The following ARHGAP42 variants were observed in gnomAD, a reference collection of about 807,000 sequenced individuals.
The protein encoded by ARHGAP42 is rho GTPase-activating protein 42.
A neutral mutation model predicts 125.0 loss-of-function variants in ARHGAP42; 63 were observed. The ratio of observed to expected loss-of-function variants is 0.50; its 90% CI spans 0.41 to 0.62. The LOEUF is 0.62. Among genes scored for constraint, ARHGAP42 ranks in the 20% least tolerant of loss-of-function variants. The pLI is 0.00. For synonymous variants in ARHGAP42, 339 were observed against 351.0 expected (o/e 0.97, Z 0.38); for missense variants, 766 against 1,024.2 (o/e 0.75, Z 3.44).
At chr11:100,809,040 C>T (rs1864075180) in intron 3 of ARHGAP42, among the ~76,000 whole-genome samples, 1 of 152,070 alleles carries the variant, frequency 6.6e-6, no homozygotes, top group Non-Finnish European at 1.5e-5. Context: ...TGTGAGAGGG[C>T]CCACATTGCT....
intron 2 of ARHGAP42, among the ~76,000 whole-genome samples, chr11:100,771,738 A>G (rs972405770): frequency 1.3e-5 from 2 of 152,002 alleles, no homozygotes; most frequent in African/African-American, 4.8e-5. Flanking sequence ...AGATGGGACT[A>G]CAGGCACCCG....
At position 100,976,444 on chromosome 11, in the gene ARHGAP42, C is replaced by G; in HGVS notation, c.2236+7C>G. 1 of 1,508,412 alleles carries G rather than the reference C, an allele frequency of 6.6e-7. No individual in the cohort carries two copies. Among genetic ancestry groups the G allele is most frequent in the Non-Finnish European group, 8.8e-7 (1 of 1,130,716 alleles). 93.4% of individuals were successfully genotyped at this position (1,508,412 alleles called of 1,614,324 possible). On this transcript the variant is annotated splice_region_variant and intron_variant, in intron 20 of 23. Transcript: ENST00000298815. ...TCCATCTCTGCAGCTGAAGGTAAGGCAGAGTGGAACTTGTGCAAGATGTCA... is the reference window on the plus strand; with the variant it reads ...TCCATCTCTGCAGCTGAAGGTAAGGGAGAGTGGAACTTGTGCAAGATGTCA...
rs531028933 is a variant in ARHGAP42, at chr11:100,746,499, G to A, written c.155-23844G>A. 4.6e-5 allele frequency among the ~76,000 whole-genome samples: 7 copies of A among 152,366 alleles called. No individual in the cohort carries two copies. The South Asian group carries it at 1.4e-3, about 32-fold the overall frequency. ...GCACACAAGCATAACAATTGCCTTTGTTTAACGTGTGGACGGAATATTAAT... is the reference window on the plus strand; with the variant it reads ...GCACACAAGCATAACAATTGCCTTTATTTAACGTGTGGACGGAATATTAAT... On this transcript the variant is annotated intron_variant, in intron 1 of 23. Coordinates refer to ENST00000298815, the MANE Select transcript of ARHGAP42 (RefSeq NM_152432.4).
At chr11:100,741,264 C>T (rs1399531148) in intron 1 of ARHGAP42, among the ~76,000 whole-genome samples, 1 of 152,174 alleles carries the variant, frequency 6.6e-6, no homozygotes, top group Non-Finnish European at 1.5e-5. Flanking sequence ...CTCCTGACCT[C>T]AAGTGATCCA....
At chr11:100,822,422 T>G (rs899777583) in intron 3 of ARHGAP42, among the ~76,000 whole-genome samples, 11 of 152,212 alleles carry the variant, frequency 7.2e-5, no homozygotes, top group African/African-American at 2.6e-4. Flanking sequence ...CTGGTCTCTT[T>G]CTATAATAAT....
intron 1 of ARHGAP42, among the ~76,000 whole-genome samples, chr11:100,715,977 A>G (rs571352873): frequency 9.2e-5 from 14 of 152,354 alleles, no homozygotes; most frequent in African/African-American, 3.1e-4. Context: ...GGATTGGTGT[A>G]GGAAGACAGT....
intron 4 of ARHGAP42, among the ~76,000 whole-genome samples, chr11:100,879,803 C>A (rs995920167): frequency 9.9e-5 from 15 of 152,164 alleles, no homozygotes; most frequent in Non-Finnish European, 2.1e-4. Flanking sequence ...TTGATCATTT[C>A]TTCTCTGTCT....
In ARHGAP42 at chr11:100,974,571, G is replaced by T. The variant is rs777687071; in HGVS notation, c.1823G>T (p.Gly608Val). ...TCTACAGGGTCTAGGAAGCCCAGAG[G>T]GAGGTATACTCCATGCCTGGCCGAA... ...CLSTGSRKPR[G>V]RYTPCLAEPD... Residue 608 changes from glycine (G) to valine (V), a missense_variant, in exon 19 of 24, where the codon GGG becomes GTG. Gly to Val is a moderately radical substitution (Grantham distance 109). This residue lies in a region of ARHGAP42 where 308 missense variants were observed against 369.7 expected (regional missense o/e 0.83). Coordinates refer to ENST00000298815, the MANE Select transcript of ARHGAP42 (RefSeq NM_152432.4). 6.4e-7 allele frequency: 1 copy of T among 1,551,046 alleles called. No homozygotes were observed. Among genetic ancestry groups the T allele is most frequent in the South Asian group, 1.2e-5 (1 of 84,028 alleles).
chr11:100,896,111 T>TG (rs980965800), intron 4 of ARHGAP42, among the ~76,000 whole-genome samples: 4 of 152,140 alleles, frequency 2.6e-5, no homozygotes, highest in Admixed American at 2.6e-4. Context: ...TCTGTCCTTG[T>TG]GATAGTTTGC....
chr11:100,721,864 T>C lies in ARHGAP42; in HGVS notation c.154+34032T>C, dbSNP rs115978029. Among the ~76,000 whole-genome samples, 426 of 152,344 alleles carry C rather than the reference T, an allele frequency of 2.8e-3. 2 individuals are homozygous for C. The highest frequency in any genetic ancestry group is 9.6e-3 in the African/African-American group (401 of 41,576). On this transcript the variant is annotated intron_variant, in intron 1 of 23. Transcript: ENST00000298815. ...TTCACTTATTGAAGGTCATTTTGGTTGCTTCCAAGTTTTGGCAATATTGAA... is the reference window on the plus strand; with the variant it reads ...TTCACTTATTGAAGGTCATTTTGGTCGCTTCCAAGTTTTGGCAATATTGAA...
At chr11:100,840,606 A>G (rs1339821351) in intron 3 of ARHGAP42, 1 of 152,186 alleles carries the variant, frequency 6.6e-6, no homozygotes, top group Non-Finnish European at 1.5e-5. Flanking sequence ...CAGCACAGCA[A>G]AATCACAGAT....
At chr11:100,955,722 T>C (rs1372419771) in intron 12 of ARHGAP42, among the ~76,000 whole-genome samples, 3 of 152,160 alleles carry the variant, frequency 2.0e-5, no homozygotes, top group East Asian at 1.9e-4. Flanking sequence ...TCATTAATTA[T>C]CAGCCTTTTT....
At chr11:100,736,875 G>A (rs986605836) in intron 1 of ARHGAP42, among the ~76,000 whole-genome samples, 11 of 152,136 alleles carry the variant, frequency 7.2e-5, no homozygotes, top group Non-Finnish European at 1.3e-4. Context: ...CTTTGATCAA[G>A]GCTTTACATA....
At chr11:100,910,297 C>T (rs554924732) in intron 4 of ARHGAP42, among the ~76,000 whole-genome samples, 1 of 152,242 alleles carries the variant, frequency 6.6e-6, no homozygotes, top group East Asian at 1.9e-4. Context: ...CAGTACTATG[C>T]TTTATATAGG....
intron 10 of ARHGAP42, among the ~76,000 whole-genome samples, chr11:100,947,424 C>G (rs1315850621): frequency 6.6e-6 from 1 of 151,844 alleles, no homozygotes; most frequent in Admixed American, 6.6e-5. Context: ...GTTATATAAC[C>G]TTGGAGCACT....
At chr11:100,949,847 T>G in intron 11 of ARHGAP42, 70 bp from the exon 12 acceptor site, 1 of 1,037,472 alleles carries the variant, frequency 9.6e-7, no homozygotes, top group South Asian at 1.8e-5. Context: ...AGTGTACAGA[T>G]ATCACCTTGC....
intron 6 of ARHGAP42, among the ~76,000 whole-genome samples, chr11:100,926,571 G>A (rs1867430175): frequency 6.6e-6 from 1 of 152,228 alleles, no homozygotes; most frequent in Admixed American, 6.5e-5. Context: ...GTTGGAATAA[G>A]ATGGAATTTG....
rs1361008687 is a variant in ARHGAP42 at position 100,687,312 on chromosome 11, G to T, written c.-367G>T. The stretch of plus-strand genomic sequence containing the variant: ...CACAACGCCGACGACTGTCAAGAGA[G>T]TTGGGGAGTGGAACTGCCGGAAGTG... On this transcript the variant is annotated 5_prime_UTR_variant, in exon 1 of 24. Coordinates refer to ENST00000298815, the MANE Select transcript of ARHGAP42 (RefSeq NM_152432.4). 2.0e-5 allele frequency among the ~76,000 whole-genome samples: 3 copies of T among 152,124 alleles called. No homozygotes were observed. Among genetic ancestry groups the T allele is most frequent in the Non-Finnish European group, 2.9e-5 (2 of 68,004 alleles).
At chr11:100,954,322 G>T (rs1193405282) in intron 12 of ARHGAP42, among the ~76,000 whole-genome samples, 1 of 152,124 alleles carries the variant, frequency 6.6e-6, no homozygotes, top group Non-Finnish European at 1.5e-5. Context: ...TAAGAAAAAG[G>T]AAGTTCTTTT....
Sources: allele counts gnomAD v4.1 joint callset (sites outside exome capture counted in the v4.1 genomes callset), GRCh38; gene constraint gnomAD v4.1.1; regional missense constraint gnomAD v4.1.1; transcripts MANE v1.5; gene names NCBI Gene and HGNC (gene_info 2026-07-23, HGNC 2026-07-21).